The following ZNF804B variants were observed in gnomAD, a reference collection of about 807,000 sequenced individuals.
ZNF804B encodes zinc finger protein 804B.
Under a neutral mutation model 101.4 loss-of-function variants are expected in ZNF804B, and 80 were observed. That is an observed-to-expected ratio of 0.79 (90% CI 0.66 to 0.95). The LOEUF (loss-of-function observed/expected upper bound fraction) is 0.95, where lower values mean the gene tolerates loss of function less well. Among genes scored for constraint, ZNF804B ranks in the 40% least tolerant of loss-of-function variants. ZNF804B has a pLI of 0.00. For synonymous variants in ZNF804B, 622 were observed against 558.8 expected (o/e 1.11, Z -1.59); for missense variants, 1,673 against 1,561.9 (o/e 1.07, Z -1.20).
chr7:89,086,420 C>T (rs1789802117), intron 1 of ZNF804B, among the ~76,000 whole-genome samples: 1 of 151,936 alleles, frequency 6.6e-6, no homozygotes, highest in Non-Finnish European at 1.5e-5. Context: ...TCTCACTCCT[C>T]TATAGCTAGT....
At chr7:88,850,629 A>G (rs1791438298) in intron 1 of ZNF804B, among the ~76,000 whole-genome samples, 1 of 152,162 alleles carries the variant, frequency 6.6e-6, no homozygotes, top group South Asian at 2.1e-4. Context: ...AAGAAACTTA[A>G]TAGCAAGATC....
intron 1 of ZNF804B, among the ~76,000 whole-genome samples, chr7:88,822,897 A>G (rs1791002896): frequency 1.3e-5 from 2 of 152,144 alleles, no homozygotes; most frequent in African/African-American, 4.8e-5. Flanking sequence ...AGAATTTTCT[A>G]TGTAAGTCTA....
chr7:89,069,396 A>G (rs1789501498), intron 1 of ZNF804B, among the ~76,000 whole-genome samples: 1 of 152,210 alleles, frequency 6.6e-6, no homozygotes, highest in Non-Finnish European at 1.5e-5. Context: ...TAGAACTAAT[A>G]TGAGCTTATT....
At chr7:89,021,643 T>C (rs1788669737) in intron 1 of ZNF804B, among the ~76,000 whole-genome samples, 1 of 152,160 alleles carries the variant, frequency 6.6e-6, no homozygotes, top group African/African-American at 2.4e-5. Context: ...TGGGTGCAGT[T>C]GCAGTGGGTG....
chr7:89,180,976 A>G (rs564764071), intron 1 of ZNF804B, among the ~76,000 whole-genome samples: 4 of 151,084 alleles, frequency 2.6e-5, no homozygotes, highest in East Asian at 3.9e-4. Flanking sequence ...GCTGGCCTGA[A>G]TGCTCCCTCT....
chr7:89,140,870 G>C (rs1291793026), intron 1 of ZNF804B, among the ~76,000 whole-genome samples: 2 of 151,992 alleles, frequency 1.3e-5, no homozygotes, highest in Non-Finnish European at 2.9e-5. Context: ...CTAAGTGTTT[G>C]ATAAAGAGAC....
intron 2 of ZNF804B, among the ~76,000 whole-genome samples, chr7:89,246,884 A>T (rs1389775582): frequency 6.6e-6 from 1 of 152,026 alleles, no homozygotes; most frequent in Middle Eastern, 3.2e-3. Flanking sequence ...CTGTGCAGAG[A>T]TCTGTATGCA....
At chr7:89,212,147 A>G (rs751965116) in intron 1 of ZNF804B, among the ~76,000 whole-genome samples, 4 of 151,916 alleles carry the variant, frequency 2.6e-5, no homozygotes, top group Admixed American at 6.6e-5. Flanking sequence ...GGTGATAAAA[A>G]TTCCTCTCAC....
chr7:89,060,854 A>T (rs922830364), intron 1 of ZNF804B, among the ~76,000 whole-genome samples: 1 of 152,158 alleles, frequency 6.6e-6, no homozygotes, highest in Non-Finnish European at 1.5e-5. Flanking sequence ...AAATGAAAAG[A>T]TGTCTTTTTT....
At chr7:88,962,425 T>C (rs1329955677) in intron 1 of ZNF804B, among the ~76,000 whole-genome samples, 2 of 150,990 alleles carry the variant, frequency 1.3e-5, no homozygotes, top group African/African-American at 4.8e-5. Context: ...TGTTCTGATT[T>C]AAACTTGCTC....
chr7:88,770,705 C>T (rs181362301), intron 1 of ZNF804B, among the ~76,000 whole-genome samples: 185 of 152,262 alleles, frequency 1.2e-3, no homozygotes, highest in Middle Eastern at 6.8e-3. Flanking sequence ...GCAAATGTCC[C>T]TTCCTCCTTC....
chr7:88,797,096 A>G (rs1278515886), intron 1 of ZNF804B, among the ~76,000 whole-genome samples: 1 of 152,116 alleles, frequency 6.6e-6, no homozygotes, highest in African/African-American at 2.4e-5. Context: ...GTTTCCCTTT[A>G]CAAATACCCC....
chr7:88,970,595 A>C (rs1382482148), intron 1 of ZNF804B, among the ~76,000 whole-genome samples: 1 of 151,484 alleles, frequency 6.6e-6, no homozygotes, highest in East Asian at 2.0e-4. Flanking sequence ...AAAATTGTAC[A>C]GAATATACAG....
Position 89,118,561 on chromosome 7 carries a change from A to G in ZNF804B, c.109-99594A>G, listed in dbSNP as rs536835702. On this transcript the variant is annotated intron_variant, in intron 1 of 3. Coordinates refer to ENST00000333190, the MANE Select transcript of ZNF804B (RefSeq NM_181646.5). ...GTTCTGAGTTTTGCAATGTGGTATA[A>G]TGAGTTTTTCACAAGAAAAAAAAAT... is the stretch of plus-strand genomic sequence containing the variant. Among the ~76,000 whole-genome samples the G allele has an allele frequency of 1.1e-4, 16 of 152,064 alleles. No homozygotes were observed. In the South Asian group the frequency reaches 2.3e-3, roughly 22 times the overall value.
At chr7:88,817,702 C>G (rs909571090) in intron 1 of ZNF804B, among the ~76,000 whole-genome samples, 1 of 152,008 alleles carries the variant, frequency 6.6e-6, no homozygotes, top group Non-Finnish European at 1.5e-5. Flanking sequence ...ACTAATAAAC[C>G]AATATTATGG....
chr7:89,085,752 A>C (rs1789789615), intron 1 of ZNF804B, among the ~76,000 whole-genome samples: 1 of 151,924 alleles, frequency 6.6e-6, no homozygotes, highest in Non-Finnish European at 1.5e-5. Context: ...CTGTTCTCTA[A>C]TGGATTTTAC....
In ZNF804B at chr7:89,197,838, C is replaced by T. The variant is rs557745279; in HGVS notation, c.109-20317C>T. On this transcript the variant is annotated intron_variant, in intron 1 of 3. Coordinates refer to ENST00000333190, the MANE Select transcript of ZNF804B (RefSeq NM_181646.5). Reference sequence around the variant, plus strand: ...TAAAGATAGTTGACATTTTTGTACACTTTAGTTTTGAATACTGAAGAAATA... The same window carrying T: ...TAAAGATAGTTGACATTTTTGTACATTTTAGTTTTGAATACTGAAGAAATA... Among the ~76,000 whole-genome samples, 196 of 151,882 alleles carry T rather than the reference C, an allele frequency of 1.3e-3. 1 individual carries two copies. The highest frequency in any genetic ancestry group is 2.8e-3 in the Admixed American group (42 of 15,192).
chr7:89,192,891 A>G (rs1381170935), intron 1 of ZNF804B, among the ~76,000 whole-genome samples: 1 of 152,146 alleles, frequency 6.6e-6, no homozygotes, highest in Non-Finnish European at 1.5e-5. Flanking sequence ...ACAGAACTAC[A>G]AACTAACCAC....
At chr7:89,221,474 A>G (rs1486436157) in intron 2 of ZNF804B, among the ~76,000 whole-genome samples, 2 of 150,178 alleles carry the variant, frequency 1.3e-5, no homozygotes, top group Admixed American at 6.7e-5. Context: ...TGTCAGTGGG[A>G]ATAGAAGCTA....
Sources: gnomAD v4.1 joint callset for allele counts (sites outside exome capture counted in the v4.1 genomes callset) on GRCh38, gnomAD v4.1.1 for gene constraint, MANE v1.5 for transcripts, NCBI Gene and HGNC (gene_info 2026-07-23, HGNC 2026-07-21) for gene names.